CRB1: variants seen among roughly 807,000 people sequenced by gnomAD.
The protein encoded by CRB1 is protein crumbs homolog 1.
Under a neutral mutation model 120.0 loss-of-function variants are expected in CRB1, and 83 were observed. The ratio of observed to expected loss-of-function variants is 0.69; its 90% CI spans 0.58 to 0.83. CRB1 has a LOEUF of 0.83. Among genes scored for constraint, CRB1 ranks in the 40% least tolerant of loss-of-function variants. The pLI is 0.00. For missense variants in CRB1, 1,699 were observed against 1,687.6 expected (o/e 1.01, Z -0.12); for synonymous variants, 625 against 612.5 (o/e 1.02, Z -0.30).
Position 197,347,354 on chromosome 1 carries a change from G to A in CRB1, c.863G>A (p.Cys288Tyr). 1 of 1,613,866 alleles carries A rather than the reference G, an allele frequency of 6.2e-7. No homozygotes were observed. The highest frequency in any genetic ancestry group is 8.5e-7 in the Non-Finnish European group (1 of 1,179,796). The change falls in exon 4 of 12, where the codon TGC becomes TAC. Residue 288 changes from cysteine (C) to tyrosine (Y), a missense_variant. Physicochemically the swap from Cys to Tyr is radical, Grantham distance 194 (BLOSUM62 -2). Coordinates refer to ENST00000367400, the MANE Select transcript of CRB1 (RefSeq NM_201253.3). The part of the protein sequence containing the change: ...VDGENRYSCN[C>Y]TGSGFTGTHC... ...TTACTTTCCAGATATAGCTGTAACT[G>A]CACGGGTAGTGGATTCACAGGGACA...
chr1:197,222,442 T>G, the CRB1 span: 2 of 768,506 alleles, frequency 2.6e-6, no homozygotes, highest in Non-Finnish European at 4.9e-6. Context: ...ACCGTCATGG[T>G]GATGGTGAAG....
At chr1:197,359,130 T>C (rs1174910465) in intron 5 of CRB1, among the ~76,000 whole-genome samples, 1 of 152,188 alleles carries the variant, frequency 6.6e-6, no homozygotes, top group African/African-American at 2.4e-5. Context: ...AATAGTACCA[T>C]GTTGCAAAAC....
chr1:197,216,445 G>A, the CRB1 span, among the ~76,000 whole-genome samples: 38 of 152,044 alleles, frequency 2.5e-4, 1 homozygote, highest in Admixed American at 6.5e-4. Context: ...GCTGGAAATC[G>A]TCAATTATAC....
chr1:197,410,544 G>T (rs1185053693), intron 5 of CRB1, among the ~76,000 whole-genome samples: 2 of 152,188 alleles, frequency 1.3e-5, no homozygotes, highest in East Asian at 3.8e-4. Flanking sequence ...GGAACCACAT[G>T]CTATGAACAA....
rs757431658 is a variant in CRB1 at position 197,344,443 on chromosome 1, T to G, written c.815T>G (p.Leu272Arg). The G allele has an allele frequency of 2.7e-5, 43 of 1,613,950 alleles. 1 individual carries two copies. Among genetic ancestry groups the G allele is most frequent in the Non-Finnish European group, 3.3e-5 (39 of 1,180,010 alleles). The change falls in exon 3 of 12, where the codon CTC becomes CGC. Residue 272 changes from leucine to arginine, a missense_variant. Transcript: ENST00000367400. ...NTDECASQPCLHGGLCVDGEN... is the reference protein window; with the variant it reads ...NTDECASQPCRHGGLCVDGEN... ...GATGAGTGTGCCAGTCAACCTTGTC[T>G]CCATGGAGGGCTGTGTGTGGATGGA... is the stretch of plus-strand genomic sequence containing the variant.
the CRB1 span, among the ~76,000 whole-genome samples, chr1:197,206,327 C>G: frequency 6.6e-6 from 1 of 152,154 alleles, no homozygotes; most frequent in East Asian, 1.9e-4. Context: ...TTCTTTAGTT[C>G]CTTGAGATGT....
Position 197,331,990 on chromosome 1 carries a change from T to C in CRB1, c.652+2987T>C, listed in dbSNP as rs140928524. 3.7e-3 allele frequency among the ~76,000 whole-genome samples: 568 copies of C among 152,052 alleles called. 6 individuals are homozygous for C. Among genetic ancestry groups the C allele is most frequent in the African/African-American group, 0.013 (549 of 41,486 alleles). On this transcript the variant is annotated intron_variant, in intron 2 of 11. Coordinates refer to ENST00000367400, the MANE Select transcript of CRB1 (RefSeq NM_201253.3). The stretch of plus-strand genomic sequence containing the variant: ...GAGATGGATACCACACTGGCCAACA[T>C]GGTGAAACCACATCTCTACTAAAAA...
the CRB1 span, among the ~76,000 whole-genome samples, chr1:197,225,211 T>A: frequency 6.6e-6 from 1 of 151,986 alleles, no homozygotes; most frequent in East Asian, 1.9e-4. Context: ...TTAATCACTA[T>A]TCTACAGCTA....
At chr1:197,428,092 T>C in intron 7 of CRB1, 91 bp downstream of exon 7, 2 of 1,190,024 alleles carry the variant, frequency 1.7e-6, no homozygotes, top group Middle Eastern at 2.0e-4. Context: ...TCTTTGTATA[T>C]AAAGATGATG....
the CRB1 span, among the ~76,000 whole-genome samples, chr1:197,229,838 T>G: frequency 6.6e-6 from 1 of 152,032 alleles, no homozygotes; most frequent in Non-Finnish European, 1.5e-5. Flanking sequence ...CCTCACGATT[T>G]AAGCAGGGTT....
the CRB1 span, among the ~76,000 whole-genome samples, chr1:197,244,110 G>A: frequency 6.6e-6 from 1 of 152,024 alleles, no homozygotes; most frequent in Non-Finnish European, 1.5e-5. Context: ...CACAACGATG[G>A]GTCTTGACTC....
chr1:197,392,561 C>T (rs1403119274), intron 5 of CRB1, among the ~76,000 whole-genome samples: 1 of 151,994 alleles, frequency 6.6e-6, no homozygotes, highest in Non-Finnish European at 1.5e-5. Context: ...ACTCTGCTAG[C>T]AATATTGTTC....
chr1:197,420,871 T>G, intron 5 of CRB1, 129 bp from the exon 6 acceptor site: 1 of 706,850 alleles, frequency 1.4e-6, no homozygotes, highest in South Asian at 1.6e-5. Flanking sequence ...AGTGTTTACA[T>G]TTTACTCCAT....
chr1:197,454,394 T>G (rs1666180116), intron 11 of CRB1, among the ~76,000 whole-genome samples: 1 of 152,222 alleles, frequency 6.6e-6, no homozygotes, highest in Admixed American at 6.5e-5. Flanking sequence ...CTAATTTGGT[T>G]CACTAATCTC....
At chr1:197,292,824 A>G (rs1189689531) in intron 1 of CRB1, among the ~76,000 whole-genome samples, 1 of 152,164 alleles carries the variant, frequency 6.6e-6, no homozygotes, top group Non-Finnish European at 1.5e-5. Flanking sequence ...TGATTATCTC[A>G]ATAGATACAG....
chr1:197,209,835 G>A, the CRB1 span, among the ~76,000 whole-genome samples: 1 of 152,216 alleles, frequency 6.6e-6, no homozygotes. Context: ...TCCTTCCCCT[G>A]TGATCTGGAC....
intron 1 of CRB1, among the ~76,000 whole-genome samples, chr1:197,277,372 C>A (rs1020606276): frequency 6.6e-6 from 1 of 151,952 alleles, no homozygotes; most frequent in African/African-American, 2.4e-5. Flanking sequence ...TTACTTTCTG[C>A]AAATTAGTGA....
At chr1:197,405,951 T>TG (rs1174125638) in intron 5 of CRB1, among the ~76,000 whole-genome samples, 18 of 143,448 alleles carry the variant, frequency 1.3e-4, no homozygotes, top group South Asian at 4.6e-4. Context: ...GGGAGGGAGG[T>TG]GGGGGGGTCA....
intron 11 of CRB1, chr1:197,444,925 A>ACACC (rs1553265036): frequency 6.6e-6 from 1 of 151,752 alleles, no homozygotes; most frequent in Non-Finnish European, 1.5e-5. Context: ...ACACACACAC[A>ACACC]CACACACACC....
Sources: gnomAD v4.1 joint callset for allele counts (sites outside exome capture counted in the v4.1 genomes callset) on GRCh38, gnomAD v4.1.1 for gene constraint, MANE v1.5 for transcripts, NCBI Gene and HGNC (gene_info 2026-07-23, HGNC 2026-07-21) for gene names.